Variants in ST6GALNAC5 observed in about 807,000 individuals in gnomAD.
ST6GALNAC5 encodes ST6 N-acetylgalactosaminide alpha-2,6-sialyltransferase 5.
Under a neutral mutation model 33.6 loss-of-function variants are expected in ST6GALNAC5, and 27 were observed. The ratio of observed to expected loss-of-function variants is 0.80; its 90% confidence interval spans 0.59 to 1.11. ST6GALNAC5 has a LOEUF of 1.11. Ranked by LOEUF, ST6GALNAC5 falls within the 50% of genes least tolerant of loss-of-function variation. The probability of loss-of-function intolerance (pLI) is 0.00; values close to 1 mark genes in which losing one functional copy is unlikely to be tolerated. For synonymous variants in ST6GALNAC5, 194 were observed against 171.2 expected (o/e 1.13, Z -1.04); for missense variants, 428 against 454.0 (o/e 0.94, Z 0.52).
chr1:76,879,931 G>A (rs1205215073), intron 2 of ST6GALNAC5, among the ~76,000 whole-genome samples: 2 of 152,170 alleles, frequency 1.3e-5, no homozygotes, highest in African/African-American at 2.4e-5. Context: ...TTTGTTGCAA[G>A]TCAGCCACTT....
At chr1:77,007,706 G>A (rs186813637) in intron 2 of ST6GALNAC5, among the ~76,000 whole-genome samples, 10 of 152,362 alleles carry the variant, frequency 6.6e-5, no homozygotes, top group Admixed American at 1.3e-4. Context: ...CAAACCTGTG[G>A]GAGGATATTA....
chr1:76,918,616 CAAAAAA>C (rs5775368), intron 2 of ST6GALNAC5, among the ~76,000 whole-genome samples: 8 of 76,588 alleles, frequency 1.0e-4, no homozygotes, highest in Admixed American at 3.2e-4. Context: ...GACTCCATCT[CAAAAAA>C]AAAAAAAAAA....
intron 2 of ST6GALNAC5, among the ~76,000 whole-genome samples, chr1:76,888,521 AT>A: frequency 6.6e-6 from 1 of 152,068 alleles, no homozygotes. Context: ...GTTTATTTAC[AT>A]TTATTGTAAT....
intron 2 of ST6GALNAC5, among the ~76,000 whole-genome samples, chr1:77,012,484 G>A (rs1184710490): frequency 6.6e-6 from 1 of 152,086 alleles, no homozygotes; most frequent in African/African-American, 2.4e-5. Context: ...AAAACCTAGG[G>A]ATAGTAGGGG....
At chr1:77,036,943 TTGAG>T (rs1358329435) in intron 2 of ST6GALNAC5, among the ~76,000 whole-genome samples, 1 of 152,168 alleles carries the variant, frequency 6.6e-6, no homozygotes, top group Non-Finnish European at 1.5e-5. Context: ...ACAGTTTAGA[TTGAG>T]TGGTCAAGGA....
chr1:76,981,411 T>G (rs1056811857), intron 2 of ST6GALNAC5, among the ~76,000 whole-genome samples: 6 of 152,178 alleles, frequency 3.9e-5, no homozygotes, highest in African/African-American at 1.4e-4. Context: ...GAGATCAATC[T>G]GCAAGGCTGC....
chr1:76,872,068 A>AACACACACACACAC (rs66721550), intron 2 of ST6GALNAC5, among the ~76,000 whole-genome samples: 52 of 130,298 alleles, frequency 4.0e-4, no homozygotes, highest in African/African-American at 1.4e-3. Context: ...TAACCAAGCT[A>AACACACACACACAC]ACACACACAC....
chr1:76,900,602 T>C (rs1646808451), intron 2 of ST6GALNAC5, among the ~76,000 whole-genome samples: 1 of 152,184 alleles, frequency 6.6e-6, no homozygotes, highest in Admixed American at 6.5e-5. Flanking sequence ...ATTCCTTTGA[T>C]ACCTAGTCAA....
At chr1:76,900,586 T>G (rs1327637385) in intron 2 of ST6GALNAC5, among the ~76,000 whole-genome samples, 1 of 152,242 alleles carries the variant, frequency 6.6e-6, no homozygotes, top group East Asian at 1.9e-4. Flanking sequence ...TCTAGGATTT[T>G]AATAAATTCC....
At chr1:77,062,907 T>G in intron 4 of ST6GALNAC5, 68 bp from the exon 5 acceptor site, 1 of 1,119,638 alleles carries the variant, frequency 8.9e-7, no homozygotes, top group Non-Finnish European at 1.3e-6. Context: ...AGATAACATC[T>G]TACCTCAATC....
At chr1:76,975,363 A>T (rs858590) in intron 2 of ST6GALNAC5, among the ~76,000 whole-genome samples, 6 of 152,206 alleles carry the variant, frequency 3.9e-5, no homozygotes, top group African/African-American at 1.4e-4. Flanking sequence ...AATAAAAGTT[A>T]TATCTATATA....
At chr1:77,057,899 T>C (rs1349830259) in intron 4 of ST6GALNAC5, among the ~76,000 whole-genome samples, 1 of 152,156 alleles carries the variant, frequency 6.6e-6, no homozygotes, top group Non-Finnish European at 1.5e-5. Context: ...AGTCAAAAAG[T>C]GGAACATTAC....
intron 2 of ST6GALNAC5, among the ~76,000 whole-genome samples, chr1:76,981,952 A>C (rs923021033): frequency 2.0e-5 from 3 of 152,248 alleles, no homozygotes; most frequent in Admixed American, 2.0e-4. Flanking sequence ...ATGAGCAGAA[A>C]GGAATAGCAT....
intron 3 of ST6GALNAC5, among the ~76,000 whole-genome samples, chr1:77,048,619 C>T (rs1473498328): frequency 1.2e-4 from 18 of 152,200 alleles, no homozygotes; most frequent in Admixed American, 1.2e-3. Flanking sequence ...CCTGCCCTGA[C>T]TACTGATGGC....
intron 2 of ST6GALNAC5, among the ~76,000 whole-genome samples, chr1:77,042,729 G>A (rs971138380): frequency 1.3e-5 from 2 of 152,170 alleles, no homozygotes; most frequent in Non-Finnish European, 1.5e-5. Flanking sequence ...GTATGCAGTT[G>A]CTATTTTTGC....
chr1:76,976,238 T>C (rs1649005859), intron 2 of ST6GALNAC5, among the ~76,000 whole-genome samples: 1 of 152,220 alleles, frequency 6.6e-6, no homozygotes, highest in Non-Finnish European at 1.5e-5. Context: ...ATGTGCTTTA[T>C]AATAATTCAT....
At chr1:76,976,933 C>T (rs1570728954) in intron 2 of ST6GALNAC5, among the ~76,000 whole-genome samples, 1 of 152,160 alleles carries the variant, frequency 6.6e-6, no homozygotes, top group East Asian at 1.9e-4. Flanking sequence ...CACCTGGAGA[C>T]CTTGTTAAAA....
At chr1:77,011,804 T>C (rs1312526187) in intron 2 of ST6GALNAC5, among the ~76,000 whole-genome samples, 1 of 152,136 alleles carries the variant, frequency 6.6e-6, no homozygotes, top group African/African-American at 2.4e-5. Context: ...GATAGTAACA[T>C]TTTTATTTTG....
intron 2 of ST6GALNAC5, among the ~76,000 whole-genome samples, chr1:76,932,844 G>A (rs1647158545): frequency 6.6e-6 from 1 of 152,040 alleles, no homozygotes; most frequent in Non-Finnish European, 1.5e-5. Context: ...CTTCAGATTG[G>A]AAATAAGGAA....
Sources: gnomAD v4.1 joint callset for allele counts (sites outside exome capture counted in the v4.1 genomes callset) on GRCh38, gnomAD v4.1.1 for gene constraint, MANE v1.5 for transcripts, NCBI Gene and HGNC (gene_info 2026-07-23, HGNC 2026-07-21) for gene names.